The following GPALPP1 variants were observed in gnomAD, a reference collection of about 807,000 sequenced individuals.
GPALPP1 encodes the protein GPALPP motifs containing 1, also known as GPALPP motifs-containing protein 1.
In GPALPP1, 30 loss-of-function variants were observed where a neutral mutation model predicts 38.9. The ratio of observed to expected loss-of-function variants is 0.77; its 90% CI spans 0.58 to 1.05. The LOEUF is 1.05. GPALPP1 is among the 50% of genes least tolerant of loss of function. GPALPP1 has a pLI of 0.00. For missense variants in GPALPP1, 384 were observed against 408.8 expected (o/e 0.94, Z 0.52); for synonymous variants, 120 against 139.2 (o/e 0.86, Z 0.97).
intron 6 of GPALPP1, among the ~76,000 whole-genome samples, chr13:45,018,224 T>C (rs376920671): frequency 8.5e-5 from 13 of 152,114 alleles, no homozygotes; most frequent in Admixed American, 2.0e-4. Flanking sequence ...GGTGAAACCC[T>C]GTCTCTACTA....
chr13:45,005,812 G>A (rs1253407796), intron 2 of GPALPP1, among the ~76,000 whole-genome samples: 1 of 152,112 alleles, frequency 6.6e-6, no homozygotes, highest in African/African-American at 2.4e-5. Flanking sequence ...ATCACTTGAG[G>A]TCAGGAGTTC....
intron 7 of GPALPP1, among the ~76,000 whole-genome samples, chr13:45,021,243 T>G (rs1207175577): frequency 1.3e-5 from 2 of 152,220 alleles, no homozygotes; most frequent in Non-Finnish European, 2.9e-5. Context: ...TATTTTCTGT[T>G]CCCAGTGTAT....
intron 7 of GPALPP1, among the ~76,000 whole-genome samples, chr13:45,025,729 G>T (rs1875783261): frequency 6.6e-6 from 1 of 151,548 alleles, no homozygotes; most frequent in Admixed American, 6.6e-5. Context: ...TTCTGAATTT[G>T]GAACTTAAGT....
At chr13:45,004,665 T>C (rs748962626) in intron 2 of GPALPP1, among the ~76,000 whole-genome samples, 3 of 152,168 alleles carry the variant, frequency 2.0e-5, no homozygotes, top group Admixed American at 6.6e-5. Flanking sequence ...TATTTTTTCC[T>C]GAGACAGGGG....
At chr13:45,005,086 C>CTTTTTTTTTTTTTTTTTTTTTTT (rs71759613) in intron 2 of GPALPP1, 1 of 57,482 alleles carries the variant, frequency 1.7e-5, no homozygotes, top group African/African-American at 6.4e-5. Flanking sequence ...TAATGGTTTT[C>CTTTTTTTTTTTTTTTTTTTTTTT]TTTTTTTTTT....
chr13:45,021,980 T>G (rs1340144521), intron 7 of GPALPP1, among the ~76,000 whole-genome samples: 1 of 152,218 alleles, frequency 6.6e-6, no homozygotes, highest in South Asian at 2.1e-4. Flanking sequence ...ATGTTATTCT[T>G]AATAGCCTCA....
intron 5 of GPALPP1, 133 bp from the exon 6 acceptor site, chr13:45,015,299 C>T (rs1330023039): frequency 2.0e-5 from 12 of 589,386 alleles, no homozygotes; most frequent in South Asian, 3.3e-5. Flanking sequence ...ACAAAAACAT[C>T]GATCCTTTAT....
chr13:44,991,815 TTC>T (rs1422150772), intron 1 of GPALPP1, among the ~76,000 whole-genome samples: 1 of 152,258 alleles, frequency 6.6e-6, no homozygotes, highest in Non-Finnish European at 1.5e-5. Context: ...TTTGCATGTT[TTC>T]TCTTTCATAA....
intron 4 of GPALPP1, 143 bp from the exon 5 acceptor site, chr13:45,014,809 G>T (rs936720633): frequency 8.2e-6 from 5 of 609,814 alleles, no homozygotes; most frequent in Admixed American, 3.6e-5. Context: ...AGTCCTCATG[G>T]TTCAGTGATG....
chr13:44,992,351 C>A (rs1872864743), intron 1 of GPALPP1, among the ~76,000 whole-genome samples: 1 of 151,950 alleles, frequency 6.6e-6, no homozygotes, highest in Non-Finnish European at 1.5e-5. Context: ...TTATAGAGTT[C>A]TTTTTATAGT....
chr13:44,992,955 C>T (rs1013223125), intron 1 of GPALPP1, among the ~76,000 whole-genome samples: 13 of 152,174 alleles, frequency 8.5e-5, no homozygotes, highest in African/African-American at 3.1e-4. Context: ...CCCATTCTCC[C>T]CTCTGACCCA....
intron 7 of GPALPP1, among the ~76,000 whole-genome samples, chr13:45,027,052 A>G (rs950306722): frequency 2.6e-5 from 4 of 152,184 alleles, no homozygotes; most frequent in African/African-American, 9.7e-5. Flanking sequence ...TTCATACTCC[A>G]TAGACTCTAC....
rs774332471 is a variant in GPALPP1, at chr13:45,008,802, A to G, written c.331A>G (p.Ile111Val). 1 of 1,552,534 alleles carries G rather than the reference A, an allele frequency of 6.4e-7. No homozygotes were observed. The highest frequency in any genetic ancestry group is 8.9e-7 in the Non-Finnish European group (1 of 1,124,250). ...GTACATTTTATTTTTCAGGCCCATA[A>G]TAGGTCCTGCATTGCCACCTGGTTT... ...KQDDSPPRPIIGPALPPGFIK... is the reference protein window; with the variant it reads ...KQDDSPPRPIVGPALPPGFIK... The change falls in exon 4 of 8, where the codon ATA (isoleucine) becomes GTA (valine). Residue 111 changes from isoleucine to valine, a missense_variant. Transcript: ENST00000379151.
At chr13:45,026,147 G>T (rs1875819550) in intron 7 of GPALPP1, among the ~76,000 whole-genome samples, 1 of 151,784 alleles carries the variant, frequency 6.6e-6, no homozygotes, top group Admixed American at 6.6e-5. Flanking sequence ...ATAAAGAATT[G>T]GAAAGCACTT....
In GPALPP1 at chr13:45,027,942, T is replaced by C. The variant is rs760357344; in HGVS notation, c.962T>C (p.Ile321Thr). Residue 321 changes from isoleucine (I) to threonine (T), a missense_variant, in exon 8 of 8, where the codon ATA becomes ACA. Ile to Thr is a moderately conservative substitution (Grantham distance 89, BLOSUM62 -1). Coordinates refer to ENST00000379151, the MANE Select transcript of GPALPP1 (RefSeq NM_018559.5). The stretch of plus-strand genomic sequence containing the variant: ...GATGAAGCTCAGAAAAAAGCCCTAA[T>C]AAAAAAATCTAGAGAACTAAACACC... ...RFDEAQKKALIKKSRELNTRF... is the reference protein window; with the variant it reads ...RFDEAQKKALTKKSRELNTRF... 1.2e-6 allele frequency: 2 copies of C among 1,611,480 alleles called. No individual in the cohort carries two copies. Among genetic ancestry groups the C allele is most frequent in the Non-Finnish European group, 1.7e-6 (2 of 1,178,052 alleles).
In GPALPP1 at chr13:45,026,104, A is replaced by AT. The variant is rs559299769; in HGVS notation, c.805-1671dup. On this transcript the variant is annotated intron_variant, in intron 7 of 7. Transcript: ENST00000379151. ...TATTTTTTCTTAGCAATATTTGATGATTTTTTTTTTATCTCCTTCAATTTT... is the reference window on the plus strand; with the variant it reads ...TATTTTTTCTTAGCAATATTTGATGATTTTTTTTTTTATCTCCTTCAATTTT... 2.9e-4 allele frequency among the ~76,000 whole-genome samples: 43 copies of AT among 149,940 alleles called. 1 individual carries two copies. Among genetic ancestry groups the AT allele is most frequent in the Admixed American group, 1.0e-3 (15 of 14,990 alleles).
downstream of GPALPP1, among the ~76,000 whole-genome samples, chr13:45,032,938 G>A (rs1876273276): frequency 6.6e-6 from 1 of 151,720 alleles, no homozygotes; most frequent in Non-Finnish European, 1.5e-5. Context: ...TCGGGAGGCT[G>A]AGGCAGAAGA....
rs201158646 is a variant in GPALPP1 at position 44,991,065 on chromosome 13, G to GC, written c.88+1324dup. ...AGAGTGCCACTGCGCTCCAGCCTGG[G>GC]CGACGGAACGAGAGTTTGTCTCAAT... is the stretch of plus-strand genomic sequence containing the variant. On this transcript the variant is annotated intron_variant, in intron 1 of 7. Transcript: ENST00000379151. 3.8e-3 allele frequency among the ~76,000 whole-genome samples: 576 copies of GC among 151,620 alleles called. 13 individuals carry two copies. Among genetic ancestry groups the GC allele is most frequent in the Admixed American group, 0.031 (470 of 15,228 alleles).
rs1410079530 is a variant in GPALPP1, at chr13:45,004,360, C to T, written c.144C>T (p.Asp48=). 6.2e-7 allele frequency: 1 copy of T among 1,600,696 alleles called. No homozygotes were observed. Among genetic ancestry groups the T allele is most frequent in the Non-Finnish European group, 8.6e-7 (1 of 1,167,830 alleles). ...NYKSSSSDSS[D]SDEDSSSLYE... is the part of the protein sequence containing the mutation. The stretch of plus-strand genomic sequence containing the variant: ...AAAGCAGTAGTTCAGATTCATCAGA[C>T]AGCGATGAAGACAGTAGTTCTTTGT... The change falls in exon 2 of 8, where the codon GAC becomes GAT. Residue 48 remains aspartate, a synonymous_variant. Coordinates refer to ENST00000379151, the MANE Select transcript of GPALPP1 (RefSeq NM_018559.5).
Sources: gnomAD v4.1 joint callset for allele counts (sites outside exome capture counted in the v4.1 genomes callset) on GRCh38, gnomAD v4.1.1 for gene constraint, MANE v1.5 for transcripts, NCBI Gene and HGNC (gene_info 2026-07-23, HGNC 2026-07-21) for gene names.